The following KIF3A variants were observed in gnomAD, a reference collection of about 807,000 sequenced individuals.
KIF3A encodes the protein kinesin family member 3A.
In KIF3A, 27 loss-of-function variants were observed where a neutral mutation model predicts 92.6. The ratio of observed to expected loss-of-function variants is 0.29; its 90% CI spans 0.21 to 0.40. KIF3A has a LOEUF of 0.40. Among genes scored for constraint, KIF3A ranks in the 10% least tolerant of loss-of-function variants. The pLI is 1.00. For synonymous variants in KIF3A, 250 were observed against 275.4 expected (o/e 0.91, Z 0.92); for missense variants, 581 against 872.6 (o/e 0.67, Z 4.21).
At chr5:132,703,936 A>C (rs965938473) in intron 11 of KIF3A, among the ~76,000 whole-genome samples, 7 of 151,824 alleles carry the variant, frequency 4.6e-5, no homozygotes, top group Non-Finnish European at 1.5e-5. Context: ...TAAAAAATAT[A>C]TATGTCCCCA....
Position 132,734,198 on chromosome 5 carries a change from C to A in KIF3A, c.280+7G>T. 6.3e-7 allele frequency: 1 copy of A among 1,599,066 alleles called. No homozygotes were observed. The highest frequency in any genetic ancestry group is 1.1e-5 in the South Asian group (1 of 88,600). Reference sequence around the variant, plus strand: ...GGGAGTTTTTTAAAAAGTAAAGATTCACTTACCATTGTAGCCTTCAAGTAC... The same window carrying A: ...GGGAGTTTTTTAAAAAGTAAAGATTAACTTACCATTGTAGCCTTCAAGTAC... On this transcript the variant is annotated splice_region_variant and intron_variant, in intron 2 of 18. Coordinates refer to ENST00000403231, the MANE Select transcript of KIF3A (RefSeq NM_001300791.2).
Position 132,713,409 on chromosome 5 carries a change from G to GAA in KIF3A, c.1129+2346_1129+2347dup, listed in dbSNP as rs1298243399. On this transcript the variant is annotated intron_variant, in intron 8 of 18. Transcript: ENST00000403231. ...GTGAAGCTGGGTGAAGGGTAGATAG[G>GAA]AACTCTCCATATCATGTTTGCAAGT... Among the ~76,000 whole-genome samples, 4 of 152,138 alleles carry GAA rather than the reference G, an allele frequency of 2.6e-5. No individual in the cohort carries two copies. The East Asian group carries it at 7.7e-4, about 29-fold the overall frequency.
At chr5:132,720,047 G>A in intron 5 of KIF3A, among the ~76,000 whole-genome samples, 1 of 151,986 alleles carries the variant, frequency 6.6e-6, no homozygotes, top group East Asian at 1.9e-4. Flanking sequence ...GCTCCCTATT[G>A]TCCAGGCTGG....
rs1228887033 is a variant in KIF3A, at chr5:132,737,421, T to C, written c.-2A>G. The C allele has an allele frequency of 5.6e-6, 9 of 1,607,680 alleles. No individual in the cohort carries two copies. In the African/African-American group the frequency reaches 1.1e-4, roughly 19 times the overall value. ...CGAAGCGACTCTCCTCACCGGCATC[T>C]TGGCCCCCTCCCGTGCCCGGCGGAC... On this transcript the variant is annotated 5_prime_UTR_variant, in exon 1 of 19. Coordinates refer to ENST00000403231, the MANE Select transcript of KIF3A (RefSeq NM_001300791.2).
intron 18 of KIF3A, chr5:132,697,906 T>C (rs1217431416): frequency 1.3e-5 from 2 of 152,180 alleles, no homozygotes; most frequent in African/African-American, 4.8e-5. Context: ...TTACCATTTA[T>C]CATCACACTT....
At chr5:132,731,136 C>A (rs1346370108) in intron 2 of KIF3A, among the ~76,000 whole-genome samples, 1 of 152,122 alleles carries the variant, frequency 6.6e-6, no homozygotes, top group Non-Finnish European at 1.5e-5. Flanking sequence ...ACAAATTCTT[C>A]TAGAAAACTG....
chr5:132,706,886 A>T (rs984179222), intron 10 of KIF3A, among the ~76,000 whole-genome samples: 1 of 152,218 alleles, frequency 6.6e-6, no homozygotes, highest in Non-Finnish European at 1.5e-5. Context: ...TAGTACATTT[A>T]AAGTGACAAA....
chr5:132,724,835 ATATATATATATATATATATATT>A (rs1172461443), intron 4 of KIF3A, among the ~76,000 whole-genome samples: 16,410 of 58,346 alleles, frequency 0.28, 2,597 homozygotes, highest in Non-Finnish European at 0.41. Flanking sequence ...ATATATATAT[ATATATATATATATATATATATT>A]AAAAAATCAT....
At chr5:132,707,134 T>C (rs1409711012) in intron 10 of KIF3A, among the ~76,000 whole-genome samples, 1 of 152,086 alleles carries the variant, frequency 6.6e-6, no homozygotes, top group Admixed American at 6.6e-5. Flanking sequence ...TAAGGGCTTT[T>C]TTTTTTTTCC....
chr5:132,702,621 T>C lies in KIF3A; in HGVS notation c.1695A>G (p.Glu565=), dbSNP rs1753077845. Residue 565 remains glutamate (E), a synonymous_variant, in exon 14 of 19, where the codon GAA becomes GAG. Coordinates refer to ENST00000403231, the MANE Select transcript of KIF3A (RefSeq NM_001300791.2). The part of the protein sequence containing the change: ...IEEKYTSLQE[E]AQGKTKKLKK... Reference sequence around the variant, plus strand: ...TTAACTTCTTGGTCTTTCCCTGTGCTTCCTCTTGCAAACTGGTATATTTTT... The same window carrying C: ...TTAACTTCTTGGTCTTTCCCTGTGCCTCCTCTTGCAAACTGGTATATTTTT... 5 of 1,613,372 alleles carry C rather than the reference T, an allele frequency of 3.1e-6. No homozygotes were observed. The highest frequency in any genetic ancestry group is 2.7e-5 in the African/African-American group (2 of 75,034).
At position 132,700,637 on chromosome 5, in the gene KIF3A, TA is replaced by T; in HGVS notation, c.1938+9del. 1 of 1,540,990 alleles carries T rather than the reference TA, an allele frequency of 6.5e-7. No individual in the cohort carries two copies. Among genetic ancestry groups the T allele is most frequent in the Non-Finnish European group, 9.0e-7 (1 of 1,113,762 alleles). On this transcript the variant is annotated intron_variant, in intron 16 of 18. Transcript: ENST00000403231. ...TAATTATTACGTGAAAGAATGAAGG[TA>T]ATACTCACTAGCTGCCATTCTCCTA...
chr5:132,700,339 G>A, intron 16 of KIF3A, 55 bp from the exon 17 acceptor site: 1 of 1,031,962 alleles, frequency 9.7e-7, no homozygotes, highest in Non-Finnish European at 1.5e-6. Context: ...AATCAATACT[G>A]TGAGTTAGGC....
chr5:132,737,380 G>A (rs1424978714), intron 1 of KIF3A, 34 bp downstream of exon 1: 2 of 1,603,494 alleles, frequency 1.2e-6, no homozygotes, highest in Non-Finnish European at 8.5e-7. Flanking sequence ...GCTAGGATGA[G>A]AAGAAACCCC....
chr5:132,706,476 G>A lies in KIF3A; in HGVS notation c.1301-17C>T, dbSNP rs1404148086. 2 of 1,540,164 alleles carry A rather than the reference G, an allele frequency of 1.3e-6. No individual in the cohort carries two copies. Among genetic ancestry groups the A allele is most frequent in the Non-Finnish European group, 1.8e-6 (2 of 1,142,712 alleles). ...CTGCTTGATCTTGCAATAAGAAGTA[G>A]TAAGCAAATCGCAGACAGGAAGCAA... is the stretch of plus-strand genomic sequence containing the variant. On this transcript the variant is annotated splice_polypyrimidine_tract_variant and intron_variant, in intron 10 of 18. Coordinates refer to ENST00000403231, the MANE Select transcript of KIF3A (RefSeq NM_001300791.2).
At chr5:132,709,169 A>G (rs1753328953) in intron 9 of KIF3A, among the ~76,000 whole-genome samples, 191 bp from the exon 10 acceptor site, 1 of 152,228 alleles carries the variant, frequency 6.6e-6, no homozygotes, top group African/African-American at 2.4e-5. Context: ...TCTACTTTAC[A>G]AAGCCATACA....
intron 9 of KIF3A, among the ~76,000 whole-genome samples, 169 bp from the exon 10 acceptor site, chr5:132,709,147 T>A (rs1333390460): frequency 6.6e-6 from 1 of 152,236 alleles, no homozygotes; most frequent in African/African-American, 2.4e-5. Context: ...CTTGGTAGTT[T>A]ATCCAATATT....
rs1359055767 is a variant in KIF3A at position 132,734,250 on chromosome 5, A to C, written c.235T>G (p.Leu79Val). Reference sequence around the variant, plus strand: ...GAATCAATAATAGGTCTTGCAGTTAAGTTATAAACATCAAGTTGTTTACTC... The same window carrying C: ...GAATCAATAATAGGTCTTGCAGTTACGTTATAAACATCAAGTTGTTTACTC... ...PESKQLDVYN[L>V]TARPIIDSVL... The change falls in exon 2 of 19, where the codon TTA becomes GTA. Residue 79 changes from leucine (L) to valine (V), a missense_variant. By Grantham distance (32) the Leu-to-Val change is conservative (BLOSUM62 1). Around this residue, in one of 5 missense-constraint regions of KIF3A, gnomAD observed 217 missense variants for 299.7 expected, o/e 0.72. Coordinates refer to ENST00000403231, the MANE Select transcript of KIF3A (RefSeq NM_001300791.2). 1 of 1,613,724 alleles carries C rather than the reference A, an allele frequency of 6.2e-7. No homozygotes were observed. The highest frequency in any genetic ancestry group is 8.5e-7 in the Non-Finnish European group (1 of 1,179,718).
intron 15 of KIF3A, among the ~76,000 whole-genome samples, chr5:132,701,411 A>T (rs1472393773): frequency 2.0e-5 from 3 of 151,038 alleles, no homozygotes; most frequent in Non-Finnish European, 4.4e-5. Flanking sequence ...AGGCATGAGA[A>T]TCACTTGAAC....
intron 5 of KIF3A, among the ~76,000 whole-genome samples, chr5:132,719,835 A>G (rs1368681927): frequency 1.3e-5 from 2 of 152,158 alleles, no homozygotes; most frequent in Non-Finnish European, 2.9e-5. Flanking sequence ...ACTAGGTTTG[A>G]GGCATCTGTA....
Sources: allele counts gnomAD v4.1 joint callset (sites outside exome capture counted in the v4.1 genomes callset), GRCh38; gene constraint gnomAD v4.1.1; regional missense constraint gnomAD v4.1.1; transcripts MANE v1.5; gene names NCBI Gene and HGNC (gene_info 2026-07-23, HGNC 2026-07-21).